The following FGF14 variants were observed in gnomAD, a reference collection of about 807,000 sequenced individuals.
The protein encoded by FGF14 is fibroblast growth factor homologous factor 4.
In FGF14, 5 loss-of-function variants were observed where a neutral mutation model predicts 25.5. That is an observed-to-expected ratio of 0.20 (90% CI 0.10 to 0.41). The LOEUF is 0.41. Ranked by LOEUF, FGF14 falls within the 10% of genes least tolerant of loss-of-function variation. FGF14 has a pLI of 1.00. For synonymous variants in FGF14, 138 were observed against 118.3 expected (o/e 1.17, Z -1.08); for missense variants, 222 against 320.1 (o/e 0.69, Z 2.34).
chr13:101,967,895 T>C (rs186460179), intron 1 of FGF14: 1 of 152,608 alleles, frequency 6.6e-6, no homozygotes, highest in Admixed American at 6.5e-5. Context: ...ACTCCCAGGA[T>C]AAAATGGGGT....
chr13:102,042,987 A>G (rs926467468), intron 1 of FGF14, among the ~76,000 whole-genome samples: 1 of 152,214 alleles, frequency 6.6e-6, no homozygotes, highest in African/African-American at 2.4e-5. Context: ...TCACTGGACT[A>G]AAAAATACGA....
chr13:102,272,929 G>C (rs1486473390), intron 1 of FGF14, among the ~76,000 whole-genome samples: 1 of 152,124 alleles, frequency 6.6e-6, no homozygotes, highest in African/African-American at 2.4e-5. Flanking sequence ...TTCAAACGTA[G>C]TTTAATTTAA....
intron 1 of FGF14, among the ~76,000 whole-genome samples, chr13:102,284,121 CT>C (rs1170533260): frequency 1.3e-5 from 2 of 152,288 alleles, no homozygotes; most frequent in East Asian, 3.9e-4. Flanking sequence ...TAAATTGGTG[CT>C]TTTTCCCCCG....
intron 1 of FGF14, among the ~76,000 whole-genome samples, chr13:102,136,616 C>T (rs1370763672): frequency 1.4e-5 from 2 of 146,086 alleles, no homozygotes; most frequent in African/African-American, 2.5e-5. Flanking sequence ...ACATAGGCAG[C>T]AAGCCTAGCT....
chr13:101,949,162 T>G (rs568579951), intron 1 of FGF14, among the ~76,000 whole-genome samples: 1 of 152,306 alleles, frequency 6.6e-6, no homozygotes, highest in African/African-American at 2.4e-5. Context: ...GTGCCTCGGT[T>G]TTCTCTCTAT....
chr13:102,102,887 C>T (rs1332742485), intron 1 of FGF14, among the ~76,000 whole-genome samples: 1 of 152,126 alleles, frequency 6.6e-6, no homozygotes, highest in Non-Finnish European at 1.5e-5. Context: ...TTTCTCCCCG[C>T]AGTATACTCA....
intron 1 of FGF14, among the ~76,000 whole-genome samples, chr13:102,122,993 C>T (rs931952280): frequency 1.1e-4 from 16 of 152,134 alleles, no homozygotes; most frequent in Non-Finnish European, 1.9e-4. Flanking sequence ...CTGTAAAATT[C>T]ACTTGACCAG....
intron 1 of FGF14, among the ~76,000 whole-genome samples, chr13:101,950,751 G>GTTTTTTT (rs61285721): frequency 1.5e-5 from 2 of 131,970 alleles, no homozygotes; most frequent in East Asian, 2.2e-4. Context: ...ACCTAATCAT[G>GTTTTTTT]TTTTTTTTTT....
intron 2 of FGF14, 32 bp from the exon 3 acceptor site, chr13:101,868,860 GGCAGGAAGAA>G: frequency 7.0e-7 from 1 of 1,429,284 alleles, no homozygotes; most frequent in South Asian, 1.1e-5. Flanking sequence ...ATCATGAATG[GGCAGGAAGAA>G]GCAGGGCAGA....
intron 1 of FGF14, among the ~76,000 whole-genome samples, chr13:101,902,483 C>T (rs931213808): frequency 1.3e-5 from 2 of 152,258 alleles, no homozygotes; most frequent in African/African-American, 2.4e-5. Flanking sequence ...ATGCAGTTTA[C>T]AGCCCACCCC....
chr13:102,168,885 G>C (rs2048126670), intron 1 of FGF14, among the ~76,000 whole-genome samples: 1 of 152,042 alleles, frequency 6.6e-6, no homozygotes, highest in Non-Finnish European at 1.5e-5. Context: ...AAGCAGGATA[G>C]GGAGCATTGT....
chr13:102,041,601 GATTTT>G (rs2041747391), intron 1 of FGF14, among the ~76,000 whole-genome samples: 1 of 138,504 alleles, frequency 7.2e-6, no homozygotes, highest in Non-Finnish European at 1.5e-5. Flanking sequence ...AAAAAAGAGA[GATTTT>G]ATTAAAAAAT....
chr13:102,129,186 G>A (rs1439213310), intron 1 of FGF14, among the ~76,000 whole-genome samples: 3 of 152,120 alleles, frequency 2.0e-5, no homozygotes, highest in African/African-American at 7.2e-5. Flanking sequence ...GGAAGCAGAA[G>A]CTGTAGTGAG....
chr13:101,766,397 C>T (rs1464487567), intron 3 of FGF14, among the ~76,000 whole-genome samples: 1 of 152,146 alleles, frequency 6.6e-6, no homozygotes, highest in East Asian at 1.9e-4. Flanking sequence ...AATAAGTCAA[C>T]TCCCTGCCCT....
chr13:102,013,206 C>G (rs2040170960), intron 1 of FGF14, among the ~76,000 whole-genome samples: 1 of 151,698 alleles, frequency 6.6e-6, no homozygotes, highest in South Asian at 2.1e-4. Flanking sequence ...AGAAGTAGGA[C>G]AGGGGAAAGA....
At chr13:101,932,756 TAAAA>T (rs869271842) in intron 1 of FGF14, among the ~76,000 whole-genome samples, 2 of 98,582 alleles carry the variant, frequency 2.0e-5, no homozygotes, top group African/African-American at 8.1e-5. Context: ...AAAATTACAG[TAAAA>T]AAAAAAAAAA....
At position 102,167,914 on chromosome 13, in the gene FGF14, A is replaced by G. The variant is rs187293202; in HGVS notation, c.208+233557T>C. 3.3e-5 allele frequency among the ~76,000 whole-genome samples: 5 copies of G among 152,186 alleles called. No homozygotes were observed. In the East Asian group the frequency reaches 9.7e-4, roughly 29 times the overall value. On this transcript the variant is annotated intron_variant, in intron 1 of 4. Coordinates refer to the FGF14 transcript ENST00000376131. ...GTGATGGATCAATAAAAACAAATAA[A>G]GAGCCAGGTATACGCACACACAAAC...
intron 3 of FGF14, among the ~76,000 whole-genome samples, chr13:101,754,024 C>T (rs952092678): frequency 6.6e-6 from 1 of 152,146 alleles, no homozygotes; most frequent in Non-Finnish European, 1.5e-5. Flanking sequence ...CTGGAGACCA[C>T]GTATGCCCGC....
chr13:101,773,042 C>T (rs1384696027), intron 3 of FGF14, among the ~76,000 whole-genome samples: 3 of 152,054 alleles, frequency 2.0e-5, no homozygotes, highest in Non-Finnish European at 4.4e-5. Flanking sequence ...AGCTATTCTG[C>T]TTAAGTGGCC....
Sources: gnomAD v4.1 joint callset for allele counts (sites outside exome capture counted in the v4.1 genomes callset) on GRCh38, gnomAD v4.1.1 for gene constraint, MANE v1.5 for transcripts, NCBI Gene and HGNC (gene_info 2026-07-23, HGNC 2026-07-21) for gene names.